The following MED24 variants were observed in gnomAD, a reference collection of about 807,000 sequenced individuals.
MED24 encodes mediator of RNA polymerase II transcription subunit 24.
A neutral mutation model predicts 118.8 loss-of-function variants in MED24; 74 were observed. That is an observed-to-expected ratio of 0.62 (90% confidence interval 0.52 to 0.76). MED24 has a LOEUF of 0.76. Ranked by LOEUF, MED24 falls within the 30% of genes least tolerant of loss-of-function variation. The probability of loss-of-function intolerance (pLI) is 0.00; values close to 1 mark genes in which losing one functional copy is unlikely to be tolerated. For synonymous variants in MED24, 521 were observed against 523.9 expected, an observed-to-expected ratio of 0.99 and a Z score of 0.08; for missense variants, 1,041 against 1,278.9, an observed-to-expected ratio of 0.81 and a Z score of 2.84.
intron 24 of MED24, 146 bp downstream of exon 24, chr17:40,020,127 C>T: frequency 9.7e-7 from 1 of 1,029,998 alleles, no homozygotes; most frequent in Non-Finnish European, 1.4e-6. Context: ...AGCCTGGGGG[C>T]CAGGACAGCC....
intron 18 of MED24, 155 bp from the exon 19 acceptor site, chr17:40,026,486 T>C (rs1982664452): frequency 8.6e-7 from 1 of 1,169,442 alleles, no homozygotes; most frequent in Middle Eastern, 2.5e-4. Context: ...CAGAGCTACC[T>C]GGGCCAGAGG....
In MED24 at chr17:40,026,909, G is replaced by C; in HGVS notation, c.1656C>G (p.Thr552=). 1 of 1,614,072 alleles carries C rather than the reference G, an allele frequency of 6.2e-7. No homozygotes were observed. The highest frequency in any genetic ancestry group is 8.5e-7 in the Non-Finnish European group (1 of 1,180,004). The change falls in exon 17 of 26, where the codon ACC becomes ACG. Residue 552 remains threonine (T), a synonymous_variant. Transcript: ENST00000394128. ...PDHPCFRPDS[T]KVESLVALLN... is the part of the protein sequence containing the mutation. ...GCAGGGCCACCAGGGACTCCACTTT[G>C]GTGGAGTCGGGGCGGAAGCAGGGGT...
In MED24 at chr17:40,033,395, G is replaced by A; in HGVS notation, c.621C>T (p.Ser207=). The A allele has an allele frequency of 6.2e-7, 1 of 1,611,648 alleles. No individual in the cohort carries two copies. Among genetic ancestry groups the A allele is most frequent in the Non-Finnish European group, 8.5e-7 (1 of 1,178,886 alleles). Residue 207 remains serine, a synonymous_variant, in exon 7 of 26, where the codon AGC becomes AGT. Coordinates refer to ENST00000394128, the MANE Select transcript of MED24 (RefSeq NM_014815.4). This position sits in a 1 kb window ranked among gnomAD's most constrained non-coding sequence, Gnocchi z 5.2. ...LKLGEILANL[S]NPQLRSQAEQ... is the part of the protein sequence containing the mutation. ...CGGCCTGACTCCGGAGCTGCGGGTT[G>A]CTGAGATTGGCCAGGATCTCTCCAA...
Position 40,022,060 on chromosome 17 carries a change from G to A in MED24, c.2524-6C>T. 1 of 1,587,656 alleles carries A rather than the reference G, an allele frequency of 6.3e-7. No individual in the cohort carries two copies. Among genetic ancestry groups the A allele is most frequent in the African/African-American group, 1.4e-5 (1 of 73,998 alleles). On this transcript the variant is annotated splice_polypyrimidine_tract_variant and splice_region_variant and intron_variant, in intron 22 of 25. Transcript: ENST00000394128. ...GGGAAGAGGCTGATATAATCCTAGA[G>A]GGAGTGAAAGTCACTGTTATACACC...
At chr17:40,040,079 G>GCT in intron 3 of MED24, among the ~76,000 whole-genome samples, 1 of 137,236 alleles carries the variant, frequency 7.3e-6, no homozygotes, top group East Asian at 2.3e-4. Context: ...CACCATGCCA[G>GCT]GCTAATTTTC....
chr17:40,028,534 C>T (rs1053559803), intron 14 of MED24, among the ~76,000 whole-genome samples: 1 of 151,944 alleles, frequency 6.6e-6, no homozygotes, highest in Admixed American at 6.6e-5. Flanking sequence ...TTGAGAGCCC[C>T]TTATTAATAA....
In MED24 at chr17:40,019,837, C is replaced by A. The variant is rs750977523; in HGVS notation, c.2801G>T (p.Cys934Phe). 6.3e-7 allele frequency: 1 copy of A among 1,599,878 alleles called. No homozygotes were observed. The highest frequency in any genetic ancestry group is 8.5e-7 in the Non-Finnish European group (1 of 1,172,904). ...GCTGCCACGGCCACCCTGCTCCAGG[C>A]AGTCCACACACTCCTCCATGAACCA... ...VQWFMEECVD[C>F]LEQGGRGSVL... Residue 934 changes from cysteine (C) to phenylalanine (F), a missense_variant, in exon 25 of 26, where the codon TGC (cysteine) becomes TTC (phenylalanine). Transcript: ENST00000394128.
Position 40,026,152 on chromosome 17 carries a change from C to T in MED24, c.1985+4G>A, listed in dbSNP as rs762670686. The T allele has an allele frequency of 1.2e-6, 2 of 1,610,208 alleles. No homozygotes were observed. The highest frequency in any genetic ancestry group is 1.7e-5 in the Admixed American group (1 of 59,858). On this transcript the variant is annotated splice_donor_region_variant and intron_variant, in intron 19 of 25. Transcript: ENST00000394128. ...GGTCTGAGAAGGGAAGGCAGGTTACCGACCTCTCATTGTAGAACTGCAGGG... is the reference window on the plus strand; with the variant it reads ...GGTCTGAGAAGGGAAGGCAGGTTACTGACCTCTCATTGTAGAACTGCAGGG...
At chr17:40,032,202 C>A in intron 9 of MED24, 112 bp from the exon 10 acceptor site, 1 of 1,278,026 alleles carries the variant, frequency 7.8e-7, no homozygotes, top group Admixed American at 2.0e-5. Context: ...AGGAACACTC[C>A]TACCCTGGGA....
rs762754069 is a variant in MED24 at position 40,020,482 on chromosome 17, C to G, written c.2624-129G>C. The G allele has an allele frequency of 5.2e-6, 8 of 1,540,308 alleles. No individual in the cohort carries two copies. In the South Asian group the frequency reaches 9.6e-5, roughly 19 times the overall value. On this transcript the variant is annotated intron_variant, in intron 23 of 25. Coordinates refer to ENST00000394128, the MANE Select transcript of MED24 (RefSeq NM_014815.4). ...GGTACATGGAGAGCCCAGAGAAGAC[C>G]CTGAGATCAAGAGCACAAAGGGAGG...
rs1054609685 is a variant in MED24 at position 40,053,815 on chromosome 17, G to C, written c.-37-180C>G. ...CTGTCAGACTCTCTCCTCCTGAACC[G>C]CCCTTCCTTAAACTGGGGCACTAAG... On this transcript the variant is annotated intron_variant, in intron 1 of 25. Transcript: ENST00000394128. 3 of 796,088 alleles carry C rather than the reference G, an allele frequency of 3.8e-6. No homozygotes were observed. In the African/African-American group the frequency reaches 5.2e-5, roughly 14 times the overall value. The allele number at this position is 796,088 out of a possible 1,614,324, so 49.3% of individuals were successfully genotyped here.
chr17:40,035,842 C>G, intron 4 of MED24, 47 bp from the exon 5 acceptor site: 1 of 1,553,336 alleles, frequency 6.4e-7, no homozygotes, highest in Non-Finnish European at 8.9e-7. Context: ...CCATCCACCC[C>G]CAGGTCTCAC....
rs142886434 is a variant in MED24, at chr17:40,053,376, C to A, written c.135G>T (p.Ala45=). ...GTCCAATCATGGCCTGCTCTAGTAA[C>A]GCATCTGCAAGAGGAATAGCAAAAC... ...ATWDILNLAD[A]LLEQAMIGPS... The change falls in exon 3 of 26, where the codon GCG becomes GCT. Residue 45 remains alanine, a synonymous_variant. Coordinates refer to ENST00000394128, the MANE Select transcript of MED24 (RefSeq NM_014815.4). The A allele has an allele frequency of 2.5e-6, 4 of 1,613,060 alleles. No homozygotes were observed. The African/African-American group carries it at 4.0e-5, about 16-fold the overall frequency.
chr17:40,023,611 T>C, intron 19 of MED24: 1 of 523,218 alleles, frequency 1.9e-6, no homozygotes, highest in Non-Finnish European at 3.4e-6. Context: ...ACAAAGCCTA[T>C]AAATAGGGAC....
At chr17:40,045,050 C>T (rs1985012563) in intron 3 of MED24, among the ~76,000 whole-genome samples, 1 of 152,032 alleles carries the variant, frequency 6.6e-6, no homozygotes, top group Non-Finnish European at 1.5e-5. Context: ...TGTGAGGTAT[C>T]CACCCTAGAG....
Position 40,023,193 on chromosome 17 carries a change from G to A in MED24, c.2188C>T (p.His730Tyr), listed in dbSNP as rs1472128763. Residue 730 changes from histidine (H) to tyrosine (Y), a missense_variant, in exon 20 of 26, where the codon CAC (histidine) becomes TAC (tyrosine). By Grantham distance (83) the His-to-Tyr change is moderately conservative. Transcript: ENST00000394128. Reference protein sequence around the residue: ...EKGWVDSRSIHIFDTLLHMGG... With the variant: ...EKGWVDSRSIYIFDTLLHMGG... ...ATGTGCAGCAGGGTGTCAAAGATGT[G>A]GATGGAGCGGCTGTCCACCCAGCCC... 3 of 1,614,138 alleles carry A rather than the reference G, an allele frequency of 1.9e-6. No homozygotes were observed. The highest frequency in any genetic ancestry group is 1.7e-5 in the Admixed American group (1 of 60,018).
At chr17:40,036,083 C>T (rs987729501) in intron 4 of MED24, 33 bp downstream of exon 4, 1 of 1,599,810 alleles carries the variant, frequency 6.3e-7, no homozygotes, top group Non-Finnish European at 8.6e-7. Context: ...GTCTGTCATC[C>T]CCAATCTAGC....
chr17:40,031,388 G>A (rs1414118221), intron 11 of MED24, 143 bp from the exon 12 acceptor site: 1 of 1,204,742 alleles, frequency 8.3e-7, no homozygotes, highest in Non-Finnish European at 1.2e-6. Context: ...GGGGCTCTGG[G>A]GACTTGGCAA....
chr17:40,030,484 T>C (rs551312698), intron 12 of MED24, among the ~76,000 whole-genome samples: 9 of 151,626 alleles, frequency 5.9e-5, no homozygotes, highest in African/African-American at 2.2e-4. Flanking sequence ...TTAGTAGAGA[T>C]GGGGTTTCAC....
Sources: gnomAD v4.1 joint callset for allele counts (sites outside exome capture counted in the v4.1 genomes callset) on GRCh38, gnomAD v4.1.1 for gene constraint, Gnocchi (gnomAD v3.1) non-coding constraint, MANE v1.5 for transcripts, NCBI Gene and HGNC (gene_info 2026-07-23, HGNC 2026-07-21) for gene names.